TTLL5: variants seen among roughly 807,000 people sequenced by gnomAD.
The protein encoded by TTLL5 is tubulin tyrosine ligase like 5.
Under a neutral mutation model 168.4 loss-of-function variants are expected in TTLL5, and 132 were observed. The ratio of observed to expected loss-of-function variants is 0.78; its 90% CI spans 0.68 to 0.91. The LOEUF is 0.91. Among genes scored for constraint, TTLL5 ranks in the 40% least tolerant of loss-of-function variants. The pLI is 0.00. For missense variants in TTLL5, 1,545 were observed against 1,581.5 expected (o/e 0.98, Z 0.39); for synonymous variants, 546 against 558.6 (o/e 0.98, Z 0.32).
chr14:75,819,972 G>A (rs1316040690), intron 27 of TTLL5, 35 bp from the exon 28 acceptor site: 6 of 1,564,332 alleles, frequency 3.8e-6, no homozygotes, highest in South Asian at 1.2e-5. Flanking sequence ...TAAAAACTCT[G>A]TAAAGTCAGG....
At chr14:75,884,422 T>C (rs557935283) in intron 30 of TTLL5, among the ~76,000 whole-genome samples, 12 of 152,216 alleles carry the variant, frequency 7.9e-5, no homozygotes, top group African/African-American at 2.9e-4. Flanking sequence ...CTGAACTCAC[T>C]GCTGGCAGGA....
chr14:75,928,340 AACATATATATATATAT>A (rs2034145899), intron 31 of TTLL5, among the ~76,000 whole-genome samples: 1 of 18,390 alleles, frequency 5.4e-5, no homozygotes. Flanking sequence ...GAATGACAAA[AACATATATATATATAT>A]ATATATATAT....
chr14:75,902,099 AC>A, intron 30 of TTLL5, 42 bp from the exon 31 acceptor site: 1 of 1,594,398 alleles, frequency 6.3e-7, no homozygotes, highest in Non-Finnish European at 8.6e-7. Flanking sequence ...ACCTGACCTC[AC>A]CTTTCCGCCT....
chr14:75,699,152 T>C (rs756823434), intron 6 of TTLL5, 36 bp from the exon 7 acceptor site: 1 of 1,560,554 alleles, frequency 6.4e-7, no homozygotes, highest in Admixed American at 1.7e-5. Flanking sequence ...TTTTTCTTTG[T>C]TTCCTCTGTT....
chr14:75,921,535 A>G (rs919157304), intron 31 of TTLL5, among the ~76,000 whole-genome samples: 1 of 152,160 alleles, frequency 6.6e-6, no homozygotes, highest in African/African-American at 2.4e-5. Context: ...AGATTGTTGT[A>G]GATGTGTTCT....
chr14:75,805,210 G>A (rs912714319), intron 27 of TTLL5, among the ~76,000 whole-genome samples: 2 of 152,108 alleles, frequency 1.3e-5, no homozygotes, highest in African/African-American at 4.8e-5. Context: ...TATTATCAAC[G>A]GCTTCTTAGG....
Position 75,720,610 on chromosome 14 carries a change from G to A in TTLL5, c.949G>A (p.Val317Ile). Residue 317 changes from valine (V) to isoleucine (I), a missense_variant, in exon 12 of 32, where the codon GTA becomes ATA. Physicochemically the swap from Val to Ile is conservative, Grantham distance 29. Transcript: ENST00000298832. ...TTTGTTTGCAGCATTGATGGCCCAT[G>A]TAGAAGACCTGATCATTAAGACTAT... is the stretch of plus-strand genomic sequence containing the variant. ...GRDTTALMAH[V>I]EDLIIKTIIS... 6.2e-7 allele frequency: 1 copy of A among 1,613,444 alleles called. No individual in the cohort carries two copies. The highest frequency in any genetic ancestry group is 2.2e-5 in the East Asian group (1 of 44,856).
At chr14:75,789,396 C>T (rs960222051) in intron 26 of TTLL5, among the ~76,000 whole-genome samples, 1 of 152,054 alleles carries the variant, frequency 6.6e-6, no homozygotes, top group Admixed American at 6.5e-5. Context: ...AAAGTAATTA[C>T]AGATACATTT....
intron 5 of TTLL5, among the ~76,000 whole-genome samples, chr14:75,688,449 T>G (rs1035074443): frequency 2.6e-5 from 4 of 152,202 alleles, no homozygotes; most frequent in Non-Finnish European, 5.9e-5. Context: ...CTCTATATCC[T>G]TTGTAATATC....
chr14:75,745,238 G>T, intron 16 of TTLL5, 30 bp downstream of exon 16: 1 of 1,603,778 alleles, frequency 6.2e-7, no homozygotes, highest in East Asian at 2.2e-5. Flanking sequence ...AGGCTTTTGT[G>T]GGTTAACACA....
intron 28 of TTLL5, among the ~76,000 whole-genome samples, chr14:75,853,670 A>G (rs905559678): frequency 1.8e-4 from 27 of 152,354 alleles, no homozygotes; most frequent in African/African-American, 6.5e-4. Flanking sequence ...AGTTTTAATG[A>G]AAGATAAGTG....
At chr14:75,865,751 G>C (rs1341366211) in intron 29 of TTLL5, among the ~76,000 whole-genome samples, 4 of 152,124 alleles carry the variant, frequency 2.6e-5, no homozygotes, top group South Asian at 2.1e-4. Context: ...TACTATTCTT[G>C]TGTGGAATTT....
chr14:75,866,675 A>G (rs999101439), intron 29 of TTLL5, among the ~76,000 whole-genome samples: 7 of 152,180 alleles, frequency 4.6e-5, no homozygotes, highest in African/African-American at 7.2e-5. Flanking sequence ...TAGATATCCA[A>G]CTTATTGAAG....
intron 28 of TTLL5, among the ~76,000 whole-genome samples, chr14:75,852,717 G>A (rs1487286250): frequency 6.6e-6 from 1 of 152,096 alleles, no homozygotes; most frequent in Non-Finnish European, 1.5e-5. Flanking sequence ...TAAAAATCTT[G>A]TTCTAACACA....
chr14:75,917,462 G>A (rs1566659494), intron 31 of TTLL5, among the ~76,000 whole-genome samples: 1 of 152,198 alleles, frequency 6.6e-6, no homozygotes, highest in South Asian at 2.1e-4. Context: ...GGAGCTAAGC[G>A]GCTGGTGATC....
At chr14:75,933,315 A>G (rs528810882) in intron 31 of TTLL5, among the ~76,000 whole-genome samples, 1 of 152,214 alleles carries the variant, frequency 6.6e-6, no homozygotes, top group African/African-American at 2.4e-5. Context: ...AAAATTAGCC[A>G]GGCCGGGTGT....
At chr14:75,666,293 T>C (rs1883254573) in intron 2 of TTLL5, among the ~76,000 whole-genome samples, 1 of 152,266 alleles carries the variant, frequency 6.6e-6, no homozygotes, top group South Asian at 2.1e-4. Flanking sequence ...GTTAAAGTAT[T>C]AATTCCTTGC....
At chr14:75,836,496 G>A (rs1566624904) in intron 28 of TTLL5, among the ~76,000 whole-genome samples, 1 of 152,046 alleles carries the variant, frequency 6.6e-6, no homozygotes, top group Non-Finnish European at 1.5e-5. Context: ...GCATACCAAG[G>A]TGACTGTAGT....
intron 2 of TTLL5, among the ~76,000 whole-genome samples, chr14:75,663,652 G>A (rs1429445887): frequency 1.3e-5 from 2 of 152,198 alleles, no homozygotes; most frequent in Non-Finnish European, 2.9e-5. Flanking sequence ...AATATAGAGA[G>A]GTCAGGTAAC....
Sources: gnomAD v4.1 joint callset for allele counts (sites outside exome capture counted in the v4.1 genomes callset) on GRCh38, gnomAD v4.1.1 for gene constraint, MANE v1.5 for transcripts, NCBI Gene and HGNC (gene_info 2026-07-23, HGNC 2026-07-21) for gene names.